Variants in ING4 observed in about 807,000 individuals in gnomAD.
ING4 encodes inhibitor of growth protein 4.
In ING4, 28 loss-of-function variants were observed where a neutral mutation model predicts 33.1. That is an observed-to-expected ratio of 0.85 (90% CI 0.63 to 1.16). ING4 has a LOEUF of 1.16. Ranked by LOEUF, ING4 falls within the 50% of genes most tolerant of loss-of-function variation. ING4 has a pLI of 0.00. For synonymous variants in ING4, 87 were observed against 104.4 expected, an observed-to-expected ratio of 0.83 and a Z score of 1.02; for missense variants, 247 against 314.7, an observed-to-expected ratio of 0.78 and a Z score of 1.63.
rs774132579 is a variant in ING4, at chr12:6,663,090, C to T, written c.12G>A (p.Gly4=). 3.1e-6 allele frequency: 5 copies of T among 1,614,228 alleles called. No individual in the cohort carries two copies. The highest frequency in any genetic ancestry group is 3.4e-6 in the Non-Finnish European group (4 of 1,180,046). Residue 4 remains glycine (G), a synonymous_variant, in exon 1 of 8, where the codon GGG becomes GGA. Coordinates refer to ENST00000341550, the MANE Select transcript of ING4 (RefSeq NM_016162.4). MAA[G]MYLEHYLDSI... is the part of the protein sequence containing the mutation. Reference sequence around the variant, plus strand: ...TGTCCAGATAATGTTCCAAATACATCCCCGCAGCCATCTCGAAGCAAAACA... The same window carrying T: ...TGTCCAGATAATGTTCCAAATACATTCCCGCAGCCATCTCGAAGCAAAACA...
At chr12:6,656,087 G>C (rs765572311) in intron 2 of ING4, among the ~76,000 whole-genome samples, 2 of 152,010 alleles carry the variant, frequency 1.3e-5, no homozygotes, top group Non-Finnish European at 2.9e-5. Flanking sequence ...TTAACAATGA[G>C]AGAAGTAGAA....
chr12:6,656,725 A>G lies in ING4; in HGVS notation c.109+2T>C. The G allele has an allele frequency of 6.4e-7, 1 of 1,551,464 alleles. No homozygotes were observed. Among genetic ancestry groups the G allele is most frequent in the South Asian group, 1.2e-5 (1 of 82,952 alleles). On this transcript the variant is annotated splice_donor_variant, in intron 2 of 7. Transcript: ENST00000341550. LOFTEE classifies it high-confidence loss of function. ...TACAAAAACTTTTTACTCTATACAT[A>G]CCCTCTGTTCTTTGGTCTAGGTCCC...
chr12:6,652,897 G>A (rs767100666), intron 4 of ING4, 39 bp downstream of exon 4: 1 of 1,582,034 alleles, frequency 6.3e-7, no homozygotes, highest in South Asian at 1.1e-5. Flanking sequence ...CTCCCTTTCA[G>A]TCCTCGCCCC....
chr12:6,662,423 C>T (rs1338349585), intron 1 of ING4, among the ~76,000 whole-genome samples: 2 of 152,068 alleles, frequency 1.3e-5, no homozygotes, highest in Non-Finnish European at 1.5e-5. Context: ...ATCCCTAGTG[C>T]CTGCCATTAT....
chr12:6,652,213 G>A (rs2136262525), intron 6 of ING4, 58 bp downstream of exon 6: 1 of 1,577,264 alleles, frequency 6.3e-7, no homozygotes, highest in South Asian at 1.2e-5. Flanking sequence ...TTTCCCTCTT[G>A]TACCCACTCC....
chr12:6,663,081 C>T lies in ING4; in HGVS notation c.21G>A (p.Leu7=). ...TGCTCTTACTGTCCAGATAATGTTC[C>T]AAATACATCCCCGCAGCCATCTCGA... is the stretch of plus-strand genomic sequence containing the variant. The part of the protein sequence containing the change: MAAGMY[L]EHYLDSIENL... The change falls in exon 1 of 8, where the codon TTG becomes TTA. Residue 7 remains leucine, a synonymous_variant. Coordinates refer to ENST00000341550, the MANE Select transcript of ING4 (RefSeq NM_016162.4). 6.2e-7 allele frequency: 1 copy of T among 1,614,104 alleles called. No individual in the cohort carries two copies. Among genetic ancestry groups the T allele is most frequent in the Non-Finnish European group, 8.5e-7 (1 of 1,180,020 alleles).
Position 6,655,956 on chromosome 12 carries a change from C to T in ING4, c.109+771G>A, listed in dbSNP as rs530874411. ...ATAGAGATCCCATTGTCAATTACTG[C>T]TTTTTTTTCTTTCCTCTTTCTTTTT... is the stretch of plus-strand genomic sequence containing the variant. On this transcript the variant is annotated intron_variant, in intron 2 of 7. Coordinates refer to ENST00000341550, the MANE Select transcript of ING4 (RefSeq NM_016162.4). The T allele has an allele frequency of 5.7e-4, 257 of 450,778 alleles. 4 individuals carry two copies. Among genetic ancestry groups the T allele is most frequent in the South Asian group, 3.9e-3 (247 of 63,072 alleles). The allele number at this position is 450,778 out of a possible 1,614,324, so 27.9% of individuals were successfully genotyped here.
At chr12:6,661,534 G>C (rs1003573071) in intron 1 of ING4, among the ~76,000 whole-genome samples, 1 of 149,734 alleles carries the variant, frequency 6.7e-6, no homozygotes, top group African/African-American at 2.5e-5. Context: ...TGATTCTCCT[G>C]ACTCAGCCTC....
Position 6,652,681 on chromosome 12 carries a change from T to A in ING4, c.478A>T (p.Lys160Ter). ...ACTCACGTGCGCACGAGCTTTAACT[T>A]CTTCTGGGCAGTCTTGGGGGCTTCT... Reference protein sequence around the residue: ...DEEAPKTAQKKLKLVRTSPEY... With the variant: ...DEEAPKTAQK Residue 160 changes from lysine to a stop codon, truncating the protein, a stop_gained, in exon 5 of 8, where the codon AAG becomes TAG. Transcript: ENST00000341550. LOFTEE classifies it high-confidence loss of function. 6.2e-7 allele frequency: 1 copy of A among 1,613,982 alleles called. No homozygotes were observed. The highest frequency in any genetic ancestry group is 8.5e-7 in the Non-Finnish European group (1 of 1,180,008).
At chr12:6,660,547 G>A (rs956398095) in intron 1 of ING4, among the ~76,000 whole-genome samples, 2 of 152,216 alleles carry the variant, frequency 1.3e-5, no homozygotes, top group East Asian at 3.9e-4. Context: ...GGCAGAGGTT[G>A]CAGTGGGCCA....
rs563881455 is a variant in ING4 at position 6,657,764 on chromosome 12, T to C, written c.38-966A>G. 7 of 151,452 alleles carry C rather than the reference T, an allele frequency of 4.6e-5. 1 individual carries two copies. Among genetic ancestry groups the C allele is most frequent in the African/African-American group, 1.5e-4 (6 of 41,334 alleles). The allele number at this position is 151,452 out of a possible 1,614,324, so 9.4% of individuals were successfully genotyped here. On this transcript the variant is annotated intron_variant, in intron 1 of 7. Coordinates refer to ENST00000341550, the MANE Select transcript of ING4 (RefSeq NM_016162.4). ...GGCCAACATGGTGAAAGCCTGTTTC[T>C]ACTAAAAATATAAAAATTAGCCAGG...
intron 1 of ING4, among the ~76,000 whole-genome samples, chr12:6,659,677 G>A (rs1268719086): frequency 6.6e-6 from 1 of 151,838 alleles, no homozygotes; most frequent in African/African-American, 2.4e-5. Context: ...GCTGGCCGTG[G>A]TGGCGGGCGC....
intron 1 of ING4, among the ~76,000 whole-genome samples, chr12:6,660,747 G>A (rs889091693): frequency 5.9e-5 from 9 of 152,166 alleles, no homozygotes; most frequent in African/African-American, 1.2e-4. Flanking sequence ...CAAATCTAAT[G>A]GTGTTATTAA....
intron 2 of ING4, chr12:6,655,649 C>T (rs966327561): frequency 1.1e-5 from 13 of 1,136,132 alleles, no homozygotes; most frequent in African/African-American, 1.7e-5. Context: ...ATTCGGCAGG[C>T]AGTTCTCAGG....
chr12:6,653,439 G>A (rs375883182), intron 2 of ING4, 43 bp from the exon 3 acceptor site: 2 of 1,573,426 alleles, frequency 1.3e-6, no homozygotes, highest in Non-Finnish European at 1.7e-6. Flanking sequence ...CCCCTGAGTG[G>A]CTAGGTGAAA....
intron 6 of ING4, among the ~76,000 whole-genome samples, chr12:6,651,802 A>G (rs1049587642): frequency 2.0e-5 from 3 of 150,834 alleles, no homozygotes; most frequent in Middle Eastern, 3.5e-3. Flanking sequence ...TTGGCCTCCC[A>G]AAGTGCTGGG....
intron 2 of ING4, 190 bp downstream of exon 2, chr12:6,656,537 C>A (rs1203817373): frequency 1.3e-5 from 7 of 521,138 alleles, no homozygotes; most frequent in African/African-American, 4.1e-5. Flanking sequence ...TCACAATACT[C>A]TATTTGTTAT....
At chr12:6,661,126 C>T (rs1949534663) in intron 1 of ING4, among the ~76,000 whole-genome samples, 1 of 149,482 alleles carries the variant, frequency 6.7e-6, no homozygotes, top group African/African-American at 2.5e-5. Flanking sequence ...GAGGCGGAGT[C>T]TCACTCTGTT....
rs2136256997 is a variant in ING4 at position 6,650,360 on chromosome 12, T to C, written c.*835A>G. On this transcript the variant is annotated 3_prime_UTR_variant, in exon 8 of 8. Coordinates refer to ENST00000341550, the MANE Select transcript of ING4 (RefSeq NM_016162.4). Reference sequence around the variant, plus strand: ...TGAAAGATGTTTTATGGAGAAAAGATGCATGATTTACAAAGTTTTGGAGAC... The same window carrying C: ...TGAAAGATGTTTTATGGAGAAAAGACGCATGATTTACAAAGTTTTGGAGAC... 1 of 152,302 alleles carries C rather than the reference T, an allele frequency of 6.6e-6. No individual in the cohort carries two copies. The highest frequency in any genetic ancestry group is 6.5e-5 in the Admixed American group (1 of 15,290). The allele number at this position is 152,302 out of a possible 1,614,324, so 9.4% of individuals were successfully genotyped here. A position where few individuals can be genotyped will look rare whatever the true frequency, so the allele number is the denominator to read the frequency against.
Sources: gnomAD v4.1 joint callset for allele counts (sites outside exome capture counted in the v4.1 genomes callset) on GRCh38, gnomAD v4.1.1 for gene constraint, MANE v1.5 for transcripts, NCBI Gene and HGNC (gene_info 2026-07-23, HGNC 2026-07-21) for gene names.